PTH2R: variants seen among roughly 807,000 people sequenced by gnomAD.
PTH2R encodes parathyroid hormone 2 receptor.
In PTH2R, 59 loss-of-function variants were observed where a neutral mutation model predicts 60.3. The ratio of observed to expected loss-of-function variants is 0.98; its 90% CI spans 0.79 to 1.22. The LOEUF is 1.22. Ranked by LOEUF, PTH2R falls within the 50% of genes most tolerant of loss-of-function variation. The probability of loss-of-function intolerance (pLI) is 0.00; values close to 1 mark genes in which losing one functional copy is unlikely to be tolerated. For synonymous variants in PTH2R, 256 were observed against 243.8 expected, an observed-to-expected ratio of 1.05 and a Z score of -0.47; for missense variants, 749 against 682.6, an observed-to-expected ratio of 1.10 and a Z score of -1.08.
At chr2:208,425,776 CT>C (rs1235378914) in intron 1 of PTH2R, among the ~76,000 whole-genome samples, 1 of 152,102 alleles carries the variant, frequency 6.6e-6, no homozygotes, top group Non-Finnish European at 1.5e-5. Flanking sequence ...TCTCTTGAGA[CT>C]TTTAAATTTT....
chr2:208,462,901 A>T (rs1702662384), intron 9 of PTH2R, among the ~76,000 whole-genome samples: 1 of 152,182 alleles, frequency 6.6e-6, no homozygotes, highest in Admixed American at 6.5e-5. Flanking sequence ...CTCACTAAAG[A>T]ATTGACACCT....
chr2:208,374,581 C>A lies in PTH2R; in HGVS notation c.-259+14344C>A, dbSNP rs536269077. On this transcript the variant is annotated intron_variant, in intron 1 of 12. Transcript: ENST00000617735. Reference sequence around the variant, plus strand: ...ACAATGGCATGATCTTGGCTCACTGCAACCTCCACCTCCCAGGTTCAAGCG... The same window carrying A: ...ACAATGGCATGATCTTGGCTCACTGAAACCTCCACCTCCCAGGTTCAAGCG... Among the ~76,000 whole-genome samples the A allele has an allele frequency of 2.8e-4, 42 of 152,226 alleles. No individual in the cohort carries two copies. In the South Asian group the frequency reaches 8.7e-3, roughly 32 times the overall value.
chr2:208,444,958 T>C lies in PTH2R; in HGVS notation c.853+71T>C. 3 of 1,455,540 alleles carry C rather than the reference T, an allele frequency of 2.1e-6. No homozygotes were observed. In the Admixed American group the frequency reaches 6.1e-5, roughly 30 times the overall value. 90.2% of individuals were successfully genotyped at this position (1,455,540 alleles called of 1,614,324 possible). A position where few individuals can be genotyped will look rare whatever the true frequency, so the allele number is the denominator to read the frequency against. On this transcript the variant is annotated intron_variant, in intron 7 of 12. Transcript: ENST00000272847. ...TGATGACATTCTGTCATGCCCATCA[T>C]TAGCATCCCTACAGCCATTTTCCTG...
At chr2:208,392,706 C>A (rs1574832898) in intron 1 of PTH2R, among the ~76,000 whole-genome samples, 1 of 152,304 alleles carries the variant, frequency 6.6e-6, no homozygotes, top group East Asian at 1.9e-4. Flanking sequence ...CTCTTACAGT[C>A]ATACTAAAGG....
At chr2:208,468,831 A>G (rs1424909644) in intron 9 of PTH2R, among the ~76,000 whole-genome samples, 2 of 151,902 alleles carry the variant, frequency 1.3e-5, no homozygotes, top group East Asian at 3.8e-4. Flanking sequence ...AACAAGAACC[A>G]TTTTTTTTCT....
intron 1 of PTH2R, among the ~76,000 whole-genome samples, chr2:208,373,179 C>A (rs1218240036): frequency 6.6e-6 from 1 of 152,032 alleles, no homozygotes; most frequent in Non-Finnish European, 1.5e-5. Context: ...AAGTAGAGAG[C>A]TAAGTGAAGT....
At chr2:208,372,956 C>T (rs1700729305) in intron 1 of PTH2R, among the ~76,000 whole-genome samples, 1 of 152,076 alleles carries the variant, frequency 6.6e-6, no homozygotes, top group Admixed American at 6.5e-5. Flanking sequence ...CGTGATGGCA[C>T]ATGCCTGTAG....
At chr2:208,442,214 T>C in intron 4 of PTH2R, 150 bp from the exon 5 acceptor site, 1 of 630,452 alleles carries the variant, frequency 1.6e-6, no homozygotes, top group Non-Finnish European at 2.8e-6. Context: ...AAATGCTCAC[T>C]CCAGATCTCT....
chr2:208,373,584 T>C (rs1461962580), intron 1 of PTH2R, among the ~76,000 whole-genome samples: 1 of 152,158 alleles, frequency 6.6e-6, no homozygotes, highest in Non-Finnish European at 1.5e-5. Context: ...CTGCTCATAC[T>C]GTTGGAGGAA....
At chr2:208,490,080 A>C (rs1295150671) in intron 11 of PTH2R, among the ~76,000 whole-genome samples, 1 of 151,626 alleles carries the variant, frequency 6.6e-6, no homozygotes, top group Non-Finnish European at 1.5e-5. Flanking sequence ...AACCCTTCTC[A>C]TTTTGCATTT....
intron 1 of PTH2R, among the ~76,000 whole-genome samples, chr2:208,386,919 C>T (rs1036020710): frequency 5.9e-5 from 9 of 152,260 alleles, no homozygotes; most frequent in African/African-American, 2.2e-4. Flanking sequence ...GACAAACATT[C>T]AGCTCATAAC....
intron 1 of PTH2R, among the ~76,000 whole-genome samples, chr2:208,367,426 T>C (rs1335939154): frequency 6.8e-6 from 1 of 146,234 alleles, no homozygotes; most frequent in Non-Finnish European, 1.5e-5. Flanking sequence ...TTCTCTTTCT[T>C]TTTTTTTTTT....
At chr2:208,449,166 G>A (rs1445789104) in intron 7 of PTH2R, among the ~76,000 whole-genome samples, 2 of 152,102 alleles carry the variant, frequency 1.3e-5, no homozygotes, top group East Asian at 3.9e-4. Context: ...CAGGCCATGT[G>A]GTAGAATCTA....
chr2:208,399,173 TAA>T (rs2105821889), intron 1 of PTH2R, among the ~76,000 whole-genome samples: 1 of 152,350 alleles, frequency 6.6e-6, no homozygotes, highest in Non-Finnish European at 1.5e-5. Context: ...TGTGTGCTCC[TAA>T]AAACATTTTA....
At position 208,442,380 on chromosome 2, in the gene PTH2R, G is replaced by A. The variant is rs772635974; in HGVS notation, c.428G>A (p.Arg143His). ...ISIGKQEFFERLYVMYTVGYS... is the reference protein window; with the variant it reads ...ISIGKQEFFEHLYVMYTVGYS... ...CCCTTGCAGCAAGAATTCTTTGAAC[G>A]CCTCTATGTAATGTATACCGTTGGC... Residue 143 changes from arginine (R) to histidine (H), a missense_variant, in exon 5 of 13, where the codon CGC becomes CAC. Transcript: ENST00000272847. 16 of 1,611,686 alleles carry A rather than the reference G, an allele frequency of 9.9e-6. No homozygotes were observed. The highest frequency in any genetic ancestry group is 1.3e-5 in the Non-Finnish European group (15 of 1,178,004).
Position 208,371,672 on chromosome 2 carries a change from G to T in PTH2R, c.-259+11435G>T, listed in dbSNP as rs79716687. Among the ~76,000 whole-genome samples, 520 of 152,190 alleles carry T rather than the reference G, an allele frequency of 3.4e-3. 7 individuals carry two copies. The highest frequency in any genetic ancestry group is 0.012 in the African/African-American group (503 of 41,448). On this transcript the variant is annotated intron_variant, in intron 1 of 12. Coordinates refer to the PTH2R transcript ENST00000617735. ...GGTCAGGCATAACATTGTTTGTTAG[G>T]GTTGCAGTACCTTTCAGGAAATGCT...
chr2:208,412,515 T>C (rs541394826), intron 1 of PTH2R, among the ~76,000 whole-genome samples: 2 of 152,342 alleles, frequency 1.3e-5, no homozygotes, highest in East Asian at 3.9e-4. Flanking sequence ...GTGATAATCA[T>C]TGGCTGATTT....
chr2:208,393,331 T>C (rs2125883781), intron 1 of PTH2R, among the ~76,000 whole-genome samples: 1 of 152,276 alleles, frequency 6.6e-6, no homozygotes, highest in African/African-American at 2.4e-5. Context: ...TATTAGTGCC[T>C]TTTTCAGCCT....
intron 9 of PTH2R, among the ~76,000 whole-genome samples, chr2:208,474,776 T>G (rs140509494): frequency 9.9e-5 from 15 of 152,192 alleles, no homozygotes; most frequent in Non-Finnish European, 1.9e-4. Context: ...ACTCTAGAGG[T>G]GTTATGATGG....
Sources: gnomAD v4.1 joint callset for allele counts (sites outside exome capture counted in the v4.1 genomes callset) on GRCh38, gnomAD v4.1.1 for gene constraint, MANE v1.5 for transcripts, NCBI Gene and HGNC (gene_info 2026-07-23, HGNC 2026-07-21) for gene names.